Variants in CDK11A observed in about 807,000 individuals in gnomAD.
CDK11A encodes the protein cyclin-dependent kinase 11A.
A neutral mutation model predicts 83.6 loss-of-function variants in CDK11A; 55 were observed. That is an observed-to-expected ratio of 0.66 (90% CI 0.53 to 0.82). The LOEUF is 0.82. CDK11A is among the 40% of genes least tolerant of loss of function. CDK11A has a pLI of 0.00. For synonymous variants in CDK11A, 247 were observed against 302.7 expected (o/e 0.82, Z 1.91); for missense variants, 564 against 810.1 (o/e 0.70, Z 3.69).
intron 4 of CDK11A, among the ~76,000 whole-genome samples, chr1:1,716,814 C>CAA (rs1168780288): frequency 1.2e-4 from 9 of 76,672 alleles, no homozygotes; most frequent in East Asian, 7.6e-4. Context: ...GACTCCATCT[C>CAA]AAAAAAAAAA....
rs183692815 is a variant in CDK11A at position 1,703,807 on chromosome 1, G to A, written c.1911+17C>T. 1,754 of 1,608,248 alleles carry A rather than the reference G, an allele frequency of 1.1e-3. 56 individuals carry two copies. The highest frequency in any genetic ancestry group is 3.2e-3 in the Middle Eastern group (19 of 6,018). On this transcript the variant is annotated intron_variant, in intron 17 of 19. Coordinates refer to ENST00000404249, the MANE Select transcript of CDK11A (RefSeq NM_024011.4). ...CCTCTGAAATCCATAGCGCACCTGC[G>A]GCAGGGCCAGACCCACCTTGAACAC...
At chr1:1,713,977 C>T (rs1394684665) in intron 5 of CDK11A, among the ~76,000 whole-genome samples, 1 of 41,328 alleles carries the variant, frequency 2.4e-5, no homozygotes, top group East Asian at 5.4e-4. Context: ...TTGAGTATGC[C>T]ACTCCACTGC....
In CDK11A at chr1:1,722,724, A is replaced by G; in HGVS notation, c.95T>C (p.Ile32Thr). The G allele has an allele frequency of 6.5e-7, 1 of 1,544,146 alleles. No individual in the cohort carries two copies. Among genetic ancestry groups the G allele is most frequent in the Non-Finnish European group, 8.7e-7 (1 of 1,144,120 alleles). Residue 32 changes from isoleucine to threonine, a missense_variant, in exon 2 of 20, where the codon ATA becomes ACA. Coordinates refer to ENST00000404249, the MANE Select transcript of CDK11A (RefSeq NM_024011.4). Reference sequence around the variant, plus strand: ...ATGGCTTACATTTTTTAAGCGTTTTATCTCTGCTTTCTCCTCTTGTTCCTT... The same window carrying G: ...ATGGCTTACATTTTTTAAGCGTTTTGTCTCTGCTTTCTCCTCTTGTTCCTT... Reference protein sequence around the residue: ...RRKEQEEKAEIKRLKNSDDRD... With the variant: ...RRKEQEEKAETKRLKNSDDRD...
At chr1:1,715,959 C>T (rs1287175290) in intron 5 of CDK11A, among the ~76,000 whole-genome samples, 2 of 150,914 alleles carry the variant, frequency 1.3e-5, no homozygotes, top group African/African-American at 4.9e-5. Context: ...GACAGTCTCA[C>T]TCTGTCAACC....
chr1:1,702,945 C>A lies in CDK11A; in HGVS notation c.2305G>T (p.Ala769Ser). Residue 769 changes from alanine to serine, a missense_variant, in exon 20 of 20, where the codon GCC (alanine) becomes TCC (serine). By Grantham distance (99) the Ala-to-Ser change is moderately conservative. Transcript: ENST00000404249. ...CTGAAGCCGGGGCCCGCGGCAGAGG[C>A]CCCCTGGTTCGTGGTGGTAAGGTGG... ...GFHLTTTNQG[A>S]SAAGPGFSLK... 4.1e-6 allele frequency: 2 copies of A among 483,304 alleles called. No individual in the cohort carries two copies. The highest frequency in any genetic ancestry group is 2.2e-5 in the South Asian group (1 of 46,432). 29.9% of individuals were successfully genotyped at this position (483,304 alleles called of 1,614,324 possible). A position where few individuals can be genotyped will look rare whatever the true frequency, so the allele number is the denominator to read the frequency against.
At chr1:1,704,375 C>A in intron 14 of CDK11A, 31 bp from the exon 15 acceptor site, 2 of 1,605,228 alleles carry the variant, frequency 1.2e-6, no homozygotes, top group South Asian at 1.1e-5. Flanking sequence ...CATGTGGACC[C>A]GGCCGCCCCA....
chr1:1,722,300 G>A (rs1245396740), intron 2 of CDK11A, among the ~76,000 whole-genome samples: 2 of 150,506 alleles, frequency 1.3e-5, no homozygotes, highest in Non-Finnish European at 3.0e-5. Context: ...CTTTGCCAAT[G>A]CCTCTTACCA....
At chr1:1,719,501 GA>G in intron 3 of CDK11A, 46 bp from the exon 4 acceptor site, 1 of 1,358,574 alleles carries the variant, frequency 7.4e-7, no homozygotes, top group Non-Finnish European at 9.6e-7. Flanking sequence ...AGAAAGTGCG[GA>G]AAAGCATCAG....
rs1264772871 is a variant in CDK11A, at chr1:1,705,122, G to A, written c.1337-97C>T. 5.0e-5 allele frequency: 73 copies of A among 1,455,278 alleles called. 2 individuals carry two copies. The highest frequency in any genetic ancestry group is 6.5e-5 in the Non-Finnish European group (71 of 1,094,422). 90.1% of individuals were successfully genotyped at this position (1,455,278 alleles called of 1,614,324 possible). On this transcript the variant is annotated intron_variant, in intron 12 of 19. Transcript: ENST00000404249. ...GAGGACCGCAGGCAGTGCCCAAAGC[G>A]CCAGCATTTCACGGAGGGGGGTCTC...
At chr1:1,719,677 G>T (rs1373083314) in intron 3 of CDK11A, among the ~76,000 whole-genome samples, 1 of 134,896 alleles carries the variant, frequency 7.4e-6, no homozygotes, top group African/African-American at 2.7e-5. Flanking sequence ...GTGTAGACAC[G>T]CGATCTCGGA....
rs1045208569 is a variant in CDK11A, at chr1:1,706,600, G to C, written c.1245+809C>G. Among the ~76,000 whole-genome samples the C allele has an allele frequency of 1.2e-4, 18 of 151,326 alleles. 1 individual carries two copies. The highest frequency in any genetic ancestry group is 4.4e-4 in the African/African-American group (18 of 41,190). On this transcript the variant is annotated intron_variant, in intron 11 of 19. Coordinates refer to ENST00000404249, the MANE Select transcript of CDK11A (RefSeq NM_024011.4). ...CTCTGTCAAAGTGGATGTGTCCCCT[G>C]CTTGTACCAGGATGACACTGAGGAC...
At chr1:1,722,894 G>A (rs1468106310) in intron 1 of CDK11A, 63 bp from the exon 2 acceptor site, 1 of 634,622 alleles carries the variant, frequency 1.6e-6, no homozygotes, top group Non-Finnish European at 2.4e-6. Flanking sequence ...CTGAACACTT[G>A]AACCTAGTCA....
intron 4 of CDK11A, among the ~76,000 whole-genome samples, chr1:1,718,174 T>C (rs1031575736): frequency 2.8e-5 from 4 of 144,522 alleles, no homozygotes; most frequent in Non-Finnish European, 4.6e-5. Context: ...GTTTTCGGTC[T>C]GTGACACACG....
Position 1,704,626 on chromosome 1 carries a change from C to T in CDK11A, c.1488G>A (p.Lys496=). The T allele has an allele frequency of 6.3e-7, 1 of 1,599,568 alleles. No individual in the cohort carries two copies. The part of the protein sequence containing the change: ...REIVVGSNMD[K]IYIVMNYVEH... Reference sequence around the variant, plus strand: ...CCACGTAGTTCATCACGATGTAGATCTTGTCCATGTTGCTGCCCACCACAA... The same window carrying T: ...CCACGTAGTTCATCACGATGTAGATTTTGTCCATGTTGCTGCCCACCACAA... The change falls in exon 14 of 20, where the codon AAG becomes AAA. Residue 496 remains lysine (K), a synonymous_variant. Coordinates refer to ENST00000404249, the MANE Select transcript of CDK11A (RefSeq NM_024011.4).
At chr1:1,721,486 G>C (rs1193751450) in intron 3 of CDK11A, 110 bp downstream of exon 3, 6 of 1,288,596 alleles carry the variant, frequency 4.7e-6, no homozygotes, top group South Asian at 2.8e-5. Flanking sequence ...CTAGGAAAGA[G>C]TAAACCTTAA....
rs36191908 is a variant in CDK11A, at chr1:1,719,481, G to A, written c.228-26C>T. On this transcript the variant is annotated intron_variant, in intron 3 of 19. Coordinates refer to ENST00000404249, the MANE Select transcript of CDK11A (RefSeq NM_024011.4). ...CTGAAATAAAACACAACAGCACTGCGTCATGCTTGAGAAAGTGCGGAAAAG... is the reference window on the plus strand; with the variant it reads ...CTGAAATAAAACACAACAGCACTGCATCATGCTTGAGAAAGTGCGGAAAAG... 2.9e-5 allele frequency: 41 copies of A among 1,413,830 alleles called. 3 individuals are homozygous for A. The highest frequency in any genetic ancestry group is 1.2e-4 in the African/African-American group (8 of 67,872). 87.6% of individuals were successfully genotyped at this position (1,413,830 alleles called of 1,614,324 possible).
At position 1,703,513 on chromosome 1, in the gene CDK11A, C is replaced by T. The variant is rs1448182606; in HGVS notation, c.2023G>A (p.Ala675Thr). Residue 675 changes from alanine (A) to threonine (T), a missense_variant, in exon 18 of 20, where the codon GCT (alanine) becomes ACT (threonine). Ala to Thr is a moderately conservative substitution (Grantham distance 58). Transcript: ENST00000404249. The stretch of plus-strand genomic sequence containing the variant: ...TCGAAGCCCTGGTCTGAGAGCAGAG[C>T]CCCGAAGCGCTTGCGGAGGTTGTTG... ...PYNNLRKRFG[A>T]LLSDQGFDLM... 6.5e-7 allele frequency: 1 copy of T among 1,547,374 alleles called. No individual in the cohort carries two copies. Among genetic ancestry groups the T allele is most frequent in the East Asian group, 2.4e-5 (1 of 42,130 alleles).
rs552222674 is a variant in CDK11A at position 1,703,736 on chromosome 1, A to G, written c.1911+88T>C. ...AGGGCTCTCAGTGGCCCTGGTCCCC[A>G]TCTCAACCCAGCACCTGTGCGCCCC... is the stretch of plus-strand genomic sequence containing the variant. On this transcript the variant is annotated intron_variant, in intron 17 of 19. Transcript: ENST00000404249. 5.5e-5 allele frequency: 86 copies of G among 1,560,430 alleles called. 2 individuals carry two copies. In the South Asian group the frequency reaches 9.9e-4, roughly 18 times the overall value.
At chr1:1,714,950 C>T (rs1644583016) in intron 5 of CDK11A, among the ~76,000 whole-genome samples, 1 of 150,416 alleles carries the variant, frequency 6.6e-6, no homozygotes, top group Non-Finnish European at 1.5e-5. Context: ...CCTCCCTCCA[C>T]TGAGGATGCT....
Sources: allele counts gnomAD v4.1 joint callset (sites outside exome capture counted in the v4.1 genomes callset), GRCh38; gene constraint gnomAD v4.1.1; transcripts MANE v1.5; gene names NCBI Gene and HGNC (gene_info 2026-07-23, HGNC 2026-07-21).